The following TMEM245 variants were observed in gnomAD, a reference collection of about 807,000 sequenced individuals.
The protein encoded by TMEM245 is protein CG-2.
A neutral mutation model predicts 101.2 loss-of-function variants in TMEM245; 69 were observed. The observed-to-expected ratio is 0.68, with a 90% CI of 0.56 to 0.83. The LOEUF (loss-of-function observed/expected upper bound fraction) is 0.83, where lower values mean the gene tolerates loss of function less well. TMEM245 is among the 40% of genes least tolerant of loss of function. The probability of loss-of-function intolerance (pLI) is 0.00; values close to 1 mark genes in which losing one functional copy is unlikely to be tolerated. For synonymous variants in TMEM245, 537 were observed against 449.8 expected (o/e 1.19, Z -2.45); for missense variants, 1,075 against 1,092.8 (o/e 0.98, Z 0.23).
intron 16 of TMEM245, chr9:109,035,991 CAA>C (rs59613050): frequency 0.033 from 4,263 of 129,946 alleles, no homozygotes; most frequent in Middle Eastern, 0.084. Context: ...CAACAACAAC[CAA>C]AAAAAAAAAA....
At chr9:109,053,239 A>ATTTC (rs1828738154) in intron 12 of TMEM245, among the ~76,000 whole-genome samples, 1 of 152,180 alleles carries the variant, frequency 6.6e-6, no homozygotes, top group Non-Finnish European at 1.5e-5. Flanking sequence ...CAGCCTGGCC[A>ATTTC]ACATGGTGAA....
At chr9:109,075,214 C>T (rs73531366) in intron 8 of TMEM245, among the ~76,000 whole-genome samples, 1,967 of 152,192 alleles carry the variant, frequency 0.013, 49 homozygotes, top group African/African-American at 0.043. Context: ...TTTACATTCC[C>T]GAAATAAACC....
intron 11 of TMEM245, among the ~76,000 whole-genome samples, chr9:109,059,135 T>C (rs964458344): frequency 1.3e-5 from 2 of 152,132 alleles, no homozygotes; most frequent in African/African-American, 2.4e-5. Flanking sequence ...GCAAAAGAAA[T>C]AGATATACCT....
At chr9:109,059,405 T>C (rs889277075) in intron 11 of TMEM245, among the ~76,000 whole-genome samples, 1 of 152,160 alleles carries the variant, frequency 6.6e-6, no homozygotes, top group Non-Finnish European at 1.5e-5. Flanking sequence ...CTGAGAATCA[T>C]CACCACCAAC....
intron 3 of TMEM245, among the ~76,000 whole-genome samples, chr9:109,096,580 A>G (rs1830146810): frequency 6.6e-6 from 1 of 152,244 alleles, no homozygotes; most frequent in South Asian, 2.1e-4. Context: ...GCTTTGCAGC[A>G]GTACACCCAG....
At chr9:109,093,705 C>A (rs952670727) in intron 3 of TMEM245, 114 bp from the exon 4 acceptor site, 1 of 838,060 alleles carries the variant, frequency 1.2e-6, no homozygotes, top group Non-Finnish European at 2.0e-6. Context: ...ACTACTGACC[C>A]ACTGAATAAG....
Position 109,060,428 on chromosome 9 carries a change from C to A in TMEM245, c.1648G>T (p.Val550Leu), listed in dbSNP as rs776016549. 3.7e-6 allele frequency: 6 copies of A among 1,612,924 alleles called. No homozygotes were observed. In the South Asian group the frequency reaches 6.6e-5, roughly 18 times the overall value. The change falls in exon 11 of 18, where the codon GTG (valine) becomes TTG (leucine). Residue 550 changes from valine to leucine, a missense_variant. By Grantham distance (32) the Val-to-Leu change is conservative. Around this residue, in one of 2 missense-constraint regions of TMEM245, gnomAD observed 808 missense variants for 741.5 expected, o/e 1.09. Coordinates refer to ENST00000374586, the MANE Select transcript of TMEM245 (RefSeq NM_032012.4). ...TTTTCAATTACAGCAGTATTGTTCACCTTATCTCCTAGAATTTTATGGAGC... is the reference window on the plus strand; with the variant it reads ...TTTTCAATTACAGCAGTATTGTTCAACTTATCTCCTAGAATTTTATGGAGC... ...HKLHKILGDK[V>L]NNTAVIEKQV...
chr9:109,087,650 GACT>G (rs1829881375), intron 5 of TMEM245, among the ~76,000 whole-genome samples: 1 of 152,140 alleles, frequency 6.6e-6, no homozygotes, highest in Non-Finnish European at 1.5e-5. Context: ...AGATTTCAGT[GACT>G]ACAATTCTGG....
At chr9:109,028,281 C>T (rs554103367) in intron 17 of TMEM245, among the ~76,000 whole-genome samples, 2 of 151,876 alleles carry the variant, frequency 1.3e-5, no homozygotes, top group South Asian at 4.2e-4. Flanking sequence ...GAAATCCCAT[C>T]TCTACTAAAA....
chr9:109,061,242 G>A (rs924339340), intron 10 of TMEM245, among the ~76,000 whole-genome samples: 10 of 152,128 alleles, frequency 6.6e-5, no homozygotes, highest in Admixed American at 6.6e-4. Flanking sequence ...CCTGAGTCCA[G>A]GAGGTTGAGG....
intron 5 of TMEM245, among the ~76,000 whole-genome samples, chr9:109,088,878 C>G (rs1829918865): frequency 5.3e-5 from 2 of 37,846 alleles, no homozygotes; most frequent in Non-Finnish European, 1.1e-4. Flanking sequence ...CTGTTCCACT[C>G]AGTTTAACAG....
In TMEM245 at chr9:109,018,208, A is replaced by C. The variant is rs564841305; in HGVS notation, c.*2252T>G. 35 of 152,346 alleles carry C rather than the reference A, an allele frequency of 2.3e-4. No homozygotes were observed. The highest frequency in any genetic ancestry group is 4.0e-4 in the Non-Finnish European group (27 of 68,034). 9.4% of individuals were successfully genotyped at this position (152,346 alleles called of 1,614,324 possible). A position where few individuals can be genotyped will look rare whatever the true frequency, so the allele number is the denominator to read the frequency against. On this transcript the variant is annotated 3_prime_UTR_variant, in exon 18 of 18. Coordinates refer to ENST00000374586, the MANE Select transcript of TMEM245 (RefSeq NM_032012.4). ...TCATTGTATATATTTGTCTCTTATG[A>C]ATATGTGCTAATTACATCTATAAAT...
At chr9:109,054,968 A>G (rs1169466679) in intron 12 of TMEM245, among the ~76,000 whole-genome samples, 2 of 152,240 alleles carry the variant, frequency 1.3e-5, no homozygotes, top group East Asian at 3.8e-4. Flanking sequence ...TGAACTGTTC[A>G]TTACTCAATA....
chr9:109,019,750 A>G lies in TMEM245; in HGVS notation c.*710T>C, dbSNP rs868519241. On this transcript the variant is annotated 3_prime_UTR_variant, in exon 18 of 18. Coordinates refer to ENST00000374586, the MANE Select transcript of TMEM245 (RefSeq NM_032012.4). ...TACTGTTACCATTCATAGCAGCTTA[A>G]TAAGTATTTCACTTCAACGTGGTCA... 6.6e-6 allele frequency: 1 copy of G among 152,632 alleles called. No homozygotes were observed. The highest frequency in any genetic ancestry group is 1.5e-5 in the Non-Finnish European group (1 of 68,052). 9.5% of individuals were successfully genotyped at this position (152,632 alleles called of 1,614,324 possible).
intron 8 of TMEM245, among the ~76,000 whole-genome samples, chr9:109,080,106 G>A (rs1829625071): frequency 6.6e-6 from 1 of 152,028 alleles, no homozygotes; most frequent in African/African-American, 2.4e-5. Flanking sequence ...TTACCAACAT[G>A]TCTCTATGGG....
chr9:109,037,958 G>A (rs1588024597), intron 15 of TMEM245, 59 bp downstream of exon 15: 1 of 1,398,246 alleles, frequency 7.2e-7, no homozygotes, highest in Non-Finnish European at 9.7e-7. Context: ...CTAGATGTAT[G>A]TAAAATGGCT....
At chr9:109,057,022 A>C (rs1828858796) in intron 12 of TMEM245, among the ~76,000 whole-genome samples, 169 bp downstream of exon 12, 7 of 152,306 alleles carry the variant, frequency 4.6e-5, no homozygotes, top group Middle Eastern at 3.4e-3. Flanking sequence ...GTGACACCTG[A>C]AGCCTATGGC....
chr9:109,078,626 CCT>C (rs566775821), intron 8 of TMEM245, among the ~76,000 whole-genome samples: 14 of 152,166 alleles, frequency 9.2e-5, no homozygotes, highest in East Asian at 5.8e-4. Context: ...GTATTGTTCC[CCT>C]GTTTGTGATG....
intron 1 of TMEM245, among the ~76,000 whole-genome samples, chr9:109,114,305 T>G (rs907491408): frequency 6.6e-6 from 1 of 152,236 alleles, no homozygotes; most frequent in Admixed American, 6.5e-5. Flanking sequence ...TCTCCTTGTT[T>G]CTTGCTGCCA....
Sources: allele counts gnomAD v4.1 joint callset (sites outside exome capture counted in the v4.1 genomes callset), GRCh38; gene constraint gnomAD v4.1.1; regional missense constraint gnomAD v4.1.1; transcripts MANE v1.5; gene names NCBI Gene and HGNC (gene_info 2026-07-23, HGNC 2026-07-21).